The following CYP7B1 variants were observed in gnomAD, a reference collection of about 807,000 sequenced individuals.
CYP7B1 encodes the protein cytochrome P450 family 7 subfamily B member 1.
CYP7B1 carries 29 observed loss-of-function variants against 42.7 expected under a neutral mutation model. The ratio of observed to expected loss-of-function variants is 0.68; its 90% CI spans 0.51 to 0.93. The LOEUF (loss-of-function observed/expected upper bound fraction) is 0.93, where lower values mean the gene tolerates loss of function less well. CYP7B1 is among the 40% of genes least tolerant of loss of function. The pLI is 0.00. For missense variants in CYP7B1, 655 were observed against 600.5 expected (o/e 1.09, Z -0.95); for synonymous variants, 235 against 218.2 (o/e 1.08, Z -0.68).
intron 1 of CYP7B1, among the ~76,000 whole-genome samples, chr8:64,655,439 G>A (rs995597154): frequency 6.6e-6 from 1 of 152,086 alleles, no homozygotes; most frequent in Non-Finnish European, 1.5e-5. Flanking sequence ...ATCACTGATC[G>A]TTAGAGAAAT....
intron 1 of CYP7B1, among the ~76,000 whole-genome samples, chr8:64,738,826 C>T (rs1374138077): frequency 1.3e-5 from 2 of 152,212 alleles, no homozygotes; most frequent in Admixed American, 6.5e-5. Context: ...ACAGAAGCCA[C>T]TGGAGTCATA....
intron 1 of CYP7B1, among the ~76,000 whole-genome samples, chr8:64,726,517 AG>A (rs1807327198): frequency 6.6e-6 from 1 of 152,158 alleles, no homozygotes; most frequent in Non-Finnish European, 1.5e-5. Context: ...GATTGAAGTC[AG>A]GGTTGCTGGC....
At chr8:64,650,074 T>G (rs564515143) in intron 1 of CYP7B1, among the ~76,000 whole-genome samples, 1 of 152,178 alleles carries the variant, frequency 6.6e-6, no homozygotes, top group African/African-American at 2.4e-5. Flanking sequence ...TAGTTGTCTG[T>G]TTTTTTATTT....
At chr8:64,765,150 G>A (rs1196783098) in intron 1 of CYP7B1, among the ~76,000 whole-genome samples, 1 of 151,922 alleles carries the variant, frequency 6.6e-6, no homozygotes, top group African/African-American at 2.4e-5. Flanking sequence ...CCAATTCTAA[G>A]TCAATTTGGA....
intron 5 of CYP7B1, among the ~76,000 whole-genome samples, chr8:64,603,496 G>A (rs1267019902): frequency 6.6e-6 from 1 of 152,234 alleles, no homozygotes; most frequent in South Asian, 2.1e-4. Flanking sequence ...ATGCAGAATT[G>A]TAGGTAAAAA....
At chr8:64,616,940 C>T (rs112492120) in intron 2 of CYP7B1, among the ~76,000 whole-genome samples, 3 of 152,306 alleles carry the variant, frequency 2.0e-5, no homozygotes, top group African/African-American at 7.2e-5. Context: ...TCCATTCCTT[C>T]AGGAAGTCAT....
intron 1 of CYP7B1, among the ~76,000 whole-genome samples, chr8:64,722,987 G>A (rs1807269089): frequency 6.6e-6 from 1 of 152,090 alleles, no homozygotes; most frequent in African/African-American, 2.4e-5. Flanking sequence ...AATCTCAATT[G>A]TAAGTGAATC....
chr8:64,709,536 TA>T (rs2129632637), intron 1 of CYP7B1, among the ~76,000 whole-genome samples: 1 of 152,346 alleles, frequency 6.6e-6, no homozygotes, highest in African/African-American at 2.4e-5. Flanking sequence ...TGAAAATTAT[TA>T]AAAAGTCAGA....
chr8:64,758,322 G>A (rs1038898673), intron 1 of CYP7B1, among the ~76,000 whole-genome samples: 2 of 152,110 alleles, frequency 1.3e-5, no homozygotes, highest in African/African-American at 4.8e-5. Flanking sequence ...TCTCTCCACT[G>A]CTGCAGACAA....
chr8:64,661,647 T>C (rs940958912), intron 1 of CYP7B1, among the ~76,000 whole-genome samples: 2 of 152,182 alleles, frequency 1.3e-5, no homozygotes, highest in African/African-American at 2.4e-5. Context: ...CTGATACAGA[T>C]TGGAAGTCAC....
chr8:64,765,397 T>C (rs1807956884), intron 1 of CYP7B1, among the ~76,000 whole-genome samples: 2 of 152,164 alleles, frequency 1.3e-5, no homozygotes, highest in Admixed American at 1.3e-4. Flanking sequence ...CTCTATGAAA[T>C]GAATTTGCAT....
chr8:64,786,618 G>A, intron 1 of CYP7B1, among the ~76,000 whole-genome samples: 1 of 152,214 alleles, frequency 6.6e-6, no homozygotes, highest in East Asian at 1.9e-4. Context: ...CTGGCATTGA[G>A]TGTCTGGCTT....
chr8:64,729,582 T>C (rs1807378435), intron 1 of CYP7B1, among the ~76,000 whole-genome samples: 2 of 152,202 alleles, frequency 1.3e-5, no homozygotes, highest in African/African-American at 2.4e-5. Context: ...TAACTAATAT[T>C]TATCCAGCAT....
chr8:64,747,198 ATATTTATATATTAAATATAG>A (rs202049426), intron 1 of CYP7B1, among the ~76,000 whole-genome samples: 2,201 of 148,150 alleles, frequency 0.015, 62 homozygotes, highest in African/African-American at 0.05. Context: ...TACATACTAT[ATATTTATATATTAAATATAG>A]TATTTATATA....
intron 1 of CYP7B1, among the ~76,000 whole-genome samples, chr8:64,650,371 G>T (rs1221488921): frequency 6.6e-6 from 1 of 152,174 alleles, no homozygotes; most frequent in East Asian, 1.9e-4. Flanking sequence ...TTCTTGGCTG[G>T]GCGTGGTGGC....
rs752577611 is a variant in CYP7B1 at position 64,616,211 on chromosome 8, G to A, written c.330C>T (p.Ser110=). ...QLVIKNHKQL[S]FRVFSNKLLE... ...ATAATTTATTAGAAAATACTCGAAA[G>A]CTTAATTGTTTATGATTTTTTATCA... The change falls in exon 3 of 6, where the codon AGC becomes AGT. Residue 110 remains serine (S), a synonymous_variant. Coordinates refer to ENST00000310193, the MANE Select transcript of CYP7B1 (RefSeq NM_004820.5). 3.1e-6 allele frequency: 5 copies of A among 1,610,878 alleles called. No individual in the cohort carries two copies. The Admixed American group carries it at 5.0e-5, about 16-fold the overall frequency.
chr8:64,662,436 A>G (rs1251029109), intron 1 of CYP7B1, among the ~76,000 whole-genome samples: 1 of 152,174 alleles, frequency 6.6e-6, no homozygotes, highest in East Asian at 1.9e-4. Flanking sequence ...GATCTAATTT[A>G]CCCTTCACAA....
rs139362044 is a variant in CYP7B1 at position 64,792,633 on chromosome 8, C to A, written c.122+5833G>T. 1.4e-3 allele frequency among the ~76,000 whole-genome samples: 212 copies of A among 152,242 alleles called. 5 individuals are homozygous for A. Among genetic ancestry groups the A allele is most frequent in the African/African-American group, 4.9e-3 (202 of 41,534 alleles). ...AGAGATGGGATTATCCAGAAAAGAT[C>A]TGGAGAAACAAATCTCTCAGGAGTG... On this transcript the variant is annotated intron_variant, in intron 1 of 5. Transcript: ENST00000310193.
Position 64,674,363 on chromosome 8 carries a change from A to G in CYP7B1, c.123-49824T>C, listed in dbSNP as rs563124010. On this transcript the variant is annotated intron_variant, in intron 1 of 5. Transcript: ENST00000310193. ...CACCTTTGTCACTGGCACAGAGACC[A>G]CACTTTACTGTAGAGGGGGATTTCC... Among the ~76,000 whole-genome samples the G allele has an allele frequency of 3.3e-5, 5 of 152,192 alleles. No homozygotes were observed. The East Asian group carries it at 9.7e-4, about 29-fold the overall frequency.
Sources: gnomAD v4.1 joint callset for allele counts (sites outside exome capture counted in the v4.1 genomes callset) on GRCh38, gnomAD v4.1.1 for gene constraint, MANE v1.5 for transcripts, NCBI Gene and HGNC (gene_info 2026-07-23, HGNC 2026-07-21) for gene names.